The following DNAH10 variants were observed in gnomAD, a reference collection of about 807,000 sequenced individuals.
DNAH10 encodes axonemal beta dynein heavy chain 10.
In DNAH10, 348 loss-of-function variants were observed where a neutral mutation model predicts 506.6. The observed-to-expected ratio is 0.69, with a 90% confidence interval of 0.63 to 0.75. The LOEUF (loss-of-function observed/expected upper bound fraction) is 0.75. Ranked by LOEUF, DNAH10 falls within the 30% of genes least tolerant of loss-of-function variation. The probability of loss-of-function intolerance (pLI) is 0.00; values close to 1 mark genes in which losing one functional copy is unlikely to be tolerated. For synonymous variants in DNAH10, 2,059 were observed against 2,198.6 expected (o/e 0.94, Z 1.78); for missense variants, 5,179 against 5,787.1 (o/e 0.89, Z 3.41).
intron 57 of DNAH10, among the ~76,000 whole-genome samples, chr12:123,905,117 A>G (rs767918105): frequency 1.2e-4 from 18 of 152,158 alleles, no homozygotes; most frequent in Non-Finnish European, 2.2e-4. Context: ...CACCCTATGC[A>G]TATCTTTCTG....
intron 45 of DNAH10, 38 bp from the exon 46 acceptor site, chr12:123,873,519 GA>G (rs776652933): frequency 6.9e-5 from 109 of 1,571,094 alleles, no homozygotes; most frequent in Middle Eastern, 1.7e-4. Flanking sequence ...CTACCCTGGG[GA>G]AAAAGCTGGC....
chr12:123,923,796 T>C lies in DNAH10; in HGVS notation c.11540T>C (p.Phe3847Ser), dbSNP rs1954827063. The C allele has an allele frequency of 1.9e-6, 3 of 1,612,520 alleles. No individual in the cohort carries two copies. Among genetic ancestry groups the C allele is most frequent in the East Asian group, 2.2e-5 (1 of 44,854 alleles). The change falls in exon 66 of 79, where the codon TTT becomes TCT. Residue 3847 changes from phenylalanine (F) to serine (S), a missense_variant. Phe to Ser is a radical substitution (Grantham distance 155). This residue lies in a region of DNAH10 where 4,844 missense variants were observed against 5,430.5 expected (regional missense o/e 0.89). Coordinates refer to ENST00000673944, the MANE Select transcript of DNAH10 (RefSeq NM_001372106.1). Reference sequence around the variant, plus strand: ...GAGAGGCACAAGCTACTCTTTTCTTTTAATATGACCATCAAGATAGAACAA... The same window carrying C: ...GAGAGGCACAAGCTACTCTTTTCTTCTAATATGACCATCAAGATAGAACAA... ...LFERHKLLFSFNMTIKIEQAE... is the reference protein window; with the variant it reads ...LFERHKLLFSSNMTIKIEQAE...
chr12:123,798,159 A>G (rs1370046188), intron 13 of DNAH10, among the ~76,000 whole-genome samples: 1 of 152,240 alleles, frequency 6.6e-6, no homozygotes, highest in East Asian at 1.9e-4. Flanking sequence ...AAGGCAGTTC[A>G]TGGACTGTGG....
chr12:123,852,788 G>T (rs887685423), intron 35 of DNAH10, among the ~76,000 whole-genome samples: 18 of 152,206 alleles, frequency 1.2e-4, no homozygotes, highest in Middle Eastern at 3.4e-3. Flanking sequence ...TGGCTAGGCT[G>T]GTCTTGAACT....
At position 123,846,257 on chromosome 12, in the gene DNAH10, ATCATTGC is replaced by A. The variant is rs1950947888; in HGVS notation, c.5814+105_5814+111del. 1 of 1,346,464 alleles carries A rather than the reference ATCATTGC, an allele frequency of 7.4e-7. No individual in the cohort carries two copies. Among genetic ancestry groups the A allele is most frequent in the Non-Finnish European group, 9.9e-7 (1 of 1,007,504 alleles). 83.4% of individuals were successfully genotyped at this position (1,346,464 alleles called of 1,614,324 possible). A position where few individuals can be genotyped will look rare whatever the true frequency, so the allele number is the denominator to read the frequency against. ...TGCAGTGATTGAAATAGCAGGGGAG[ATCATTGC>A]TTTGAAATCTCGAAAAGCTTTTCCA... On this transcript the variant is annotated intron_variant, in intron 32 of 78. Coordinates refer to ENST00000673944, the MANE Select transcript of DNAH10 (RefSeq NM_001372106.1). The surrounding 1 kb of genome is among the most constrained non-coding windows in gnomAD (Gnocchi z 4.5).
chr12:123,822,378 G>A lies in DNAH10; in HGVS notation c.4179+1620G>A, dbSNP rs114197433. Among the ~76,000 whole-genome samples, 948 of 152,128 alleles carry A rather than the reference G, an allele frequency of 6.2e-3. 20 individuals carry two copies. The highest frequency in any genetic ancestry group is 0.021 in the African/African-American group (885 of 41,482). ...TCCAGAAAAGGAGTCATGTTTGCCC[G>A]TTCCTGCCCTTCTTGAGTCCCCAAG... On this transcript the variant is annotated intron_variant, in intron 24 of 78. Transcript: ENST00000673944.
intron 28 of DNAH10, among the ~76,000 whole-genome samples, chr12:123,835,900 C>T (rs1052669919): frequency 2.0e-5 from 3 of 152,188 alleles, no homozygotes; most frequent in African/African-American, 7.2e-5. Context: ...ACTGGGATTA[C>T]AGGAGTGGGT....
chr12:123,875,742 G>A (rs892642666), intron 47 of DNAH10, among the ~76,000 whole-genome samples: 4 of 152,292 alleles, frequency 2.6e-5, no homozygotes, highest in Middle Eastern at 3.4e-3. Context: ...CCTTGGGCCC[G>A]TGGGAGTCCT....
chr12:123,834,962 T>G (rs1456944102), intron 27 of DNAH10, among the ~76,000 whole-genome samples: 1 of 152,224 alleles, frequency 6.6e-6, no homozygotes, highest in Non-Finnish European at 1.5e-5. Context: ...TTTTGGCTAT[T>G]GTGAACAGTG....
At chr12:123,896,111 T>TCACA (rs112187635) in intron 54 of DNAH10, among the ~76,000 whole-genome samples, 2,624 of 48,448 alleles carry the variant, frequency 0.054, 172 homozygotes, top group East Asian at 0.087. Context: ...AGACTTTATC[T>TCACA]CACACACACA....
rs1160053856 is a variant in DNAH10 at position 123,919,161 on chromosome 12, C to T, written c.11506+212C>T. The T allele has an allele frequency of 7.2e-6, 4 of 555,100 alleles. No individual in the cohort carries two copies. Among genetic ancestry groups the T allele is most frequent in the Non-Finnish European group, 1.2e-5 (4 of 338,196 alleles). The allele number at this position is 555,100 out of a possible 1,614,324, so 34.4% of individuals were successfully genotyped here. On this transcript the variant is annotated intron_variant, in intron 65 of 78. Transcript: ENST00000673944. The surrounding 1 kb of genome is among the most constrained non-coding windows in gnomAD (Gnocchi z 4.9). ...TGCGATCACGGCTCACTGCAACCTC[C>T]ACCTCCCAGGCTCAGGTGATCCTCC...
chr12:123,763,934 C>T (rs1956925456), intron 1 of DNAH10, among the ~76,000 whole-genome samples: 2 of 149,560 alleles, frequency 1.3e-5, no homozygotes, highest in Non-Finnish European at 3.0e-5. Context: ...GGTGCAATCT[C>T]GGCTCACTGC....
At chr12:123,827,061 A>G (rs540124098) in intron 25 of DNAH10, among the ~76,000 whole-genome samples, 163 bp downstream of exon 25, 1 of 152,288 alleles carries the variant, frequency 6.6e-6, no homozygotes, top group East Asian at 1.9e-4. Context: ...TGTTGTTTCT[A>G]TGTAAAGTGT....
Position 123,902,026 on chromosome 12 carries a change from T to C in DNAH10, c.9641-913T>C, listed in dbSNP as rs1228217175. 2.0e-5 allele frequency among the ~76,000 whole-genome samples: 3 copies of C among 152,182 alleles called. No homozygotes were observed. The highest frequency in any genetic ancestry group is 7.2e-5 in the African/African-American group (3 of 41,442). On this transcript the variant is annotated intron_variant, in intron 56 of 78. Coordinates refer to ENST00000673944, the MANE Select transcript of DNAH10 (RefSeq NM_001372106.1). This position sits in a 1 kb window ranked among gnomAD's most constrained non-coding sequence, Gnocchi z 4.5. ...GTCTGACATCAAGGTGCCAGGACCA[T>C]GCTCCCTCTGAAAGCTCTAGGGGAA...
At chr12:123,874,298 TCC>T (rs1952154272) in intron 46 of DNAH10, among the ~76,000 whole-genome samples, 1 of 150,746 alleles carries the variant, frequency 6.6e-6, no homozygotes, top group Admixed American at 6.6e-5. Context: ...CATCCATCCA[TCC>T]ATCCATCCAT....
chr12:123,848,895 A>C lies in DNAH10; in HGVS notation c.6102+13A>C, dbSNP rs1443079653. ...AACCACGTTCCAGGTGAGACACATG[A>C]AGCCCCCGGGACCATGTCCCTAGGA... On this transcript the variant is annotated intron_variant, in intron 34 of 78. Transcript: ENST00000673944. 6.2e-7 allele frequency: 1 copy of C among 1,612,810 alleles called. No homozygotes were observed. Among genetic ancestry groups the C allele is most frequent in the South Asian group, 1.1e-5 (1 of 90,728 alleles).
At chr12:123,837,147 A>G (rs545894799) in intron 28 of DNAH10, among the ~76,000 whole-genome samples, 6 of 145,342 alleles carry the variant, frequency 4.1e-5, no homozygotes, top group Non-Finnish European at 6.0e-5. Context: ...CACTGTGCCC[A>G]GCCGGTGAAA....
At chr12:123,884,966 C>T (rs548898815) in intron 51 of DNAH10, among the ~76,000 whole-genome samples, 17 of 152,156 alleles carry the variant, frequency 1.1e-4, no homozygotes, top group Admixed American at 5.9e-4. Flanking sequence ...TGGGAACCAA[C>T]GGAATAATGT....
At chr12:123,837,581 CTT>C (rs558570026) in intron 28 of DNAH10, among the ~76,000 whole-genome samples, 4 of 141,550 alleles carry the variant, frequency 2.8e-5, no homozygotes, top group Middle Eastern at 3.3e-3. Flanking sequence ...TATGATTGTT[CTT>C]TTTTTTTTTT....
Sources: gnomAD v4.1 joint callset for allele counts (sites outside exome capture counted in the v4.1 genomes callset) on GRCh38, gnomAD v4.1.1 for gene constraint, gnomAD v4.1.1 regional missense constraint, Gnocchi (gnomAD v3.1) non-coding constraint, MANE v1.5 for transcripts, NCBI Gene and HGNC (gene_info 2026-07-23, HGNC 2026-07-21) for gene names.